The following FBXO31 variants were observed in gnomAD, a reference collection of about 807,000 sequenced individuals.
FBXO31 encodes the protein F-box only protein 31.
In FBXO31, 24 loss-of-function variants were observed where a neutral mutation model predicts 54.4. The observed-to-expected ratio is 0.44, with a 90% CI of 0.32 to 0.62. The LOEUF is 0.62. Among genes scored for constraint, FBXO31 ranks in the 20% least tolerant of loss-of-function variants. FBXO31 has a pLI of 0.05. For synonymous variants in FBXO31, 388 were observed against 335.6 expected (o/e 1.16, Z -1.71); for missense variants, 665 against 787.1 (o/e 0.84, Z 1.86).
At position 87,335,187 on chromosome 16, in the gene FBXO31, G is replaced by A. The variant is rs1043105778; in HGVS notation, c.996+117C>T. The A allele has an allele frequency of 6.9e-7, 1 of 1,454,546 alleles. No homozygotes were observed. The allele number at this position is 1,454,546 out of a possible 1,614,324, so 90.1% of individuals were successfully genotyped here. On this transcript the variant is annotated intron_variant, in intron 7 of 8. Transcript: ENST00000311635. This position sits in a 1 kb window ranked among gnomAD's most constrained non-coding sequence, Gnocchi z 5.7. The stretch of plus-strand genomic sequence containing the variant: ...CAAGCTCCCGGGGCTGCAGGTGCAA[G>A]CCCACTCTGAGGAGCAAGGGTGCCG...
intron 8 of FBXO31, among the ~76,000 whole-genome samples, chr16:87,333,650 C>A (rs551765253): frequency 3.3e-5 from 5 of 152,190 alleles, no homozygotes; most frequent in Non-Finnish European, 5.9e-5. Flanking sequence ...CTGAGGTACC[C>A]CAGAAGGGGT....
intron 1 of FBXO31, among the ~76,000 whole-genome samples, chr16:87,374,276 A>C (rs1331685387): frequency 6.6e-6 from 1 of 152,104 alleles, no homozygotes; most frequent in Admixed American, 6.5e-5. Flanking sequence ...AAAATGTGGT[A>C]AGTTGAAAAT....
upstream of FBXO31, among the ~76,000 whole-genome samples, chr16:87,387,402 CCT>C (rs1462925722): frequency 6.6e-6 from 1 of 152,168 alleles, no homozygotes; most frequent in Non-Finnish European, 1.5e-5. Flanking sequence ...ACAATAATGA[CCT>C]CTTTGTTAGT....
chr16:87,341,047 C>T (rs889310932), intron 5 of FBXO31, among the ~76,000 whole-genome samples: 3 of 152,214 alleles, frequency 2.0e-5, no homozygotes, highest in South Asian at 4.2e-4. Context: ...GATCCCAAGA[C>T]ACTAGGCTGG....
intron 1 of FBXO31, among the ~76,000 whole-genome samples, chr16:87,361,297 C>G (rs1395727123): frequency 1.3e-5 from 2 of 152,246 alleles, no homozygotes; most frequent in African/African-American, 4.8e-5. Context: ...GGTGACATGA[C>G]TCCACAAAGG....
Position 87,331,342 on chromosome 16 carries a change from C to A in FBXO31, c.1566G>T (p.Pro522=), listed in dbSNP as rs544042571. ...VQATFRNADA[P]SPQAFDEMLK... ...GCATCTCATCGAAGGCCTGTGGGGA[C>A]GGCGCATCTGCGTTCCGGAAGGTGG... Residue 522 remains proline, a synonymous_variant, in exon 9 of 9, where the codon CCG becomes CCT. Coordinates refer to ENST00000311635, the MANE Select transcript of FBXO31 (RefSeq NM_024735.5). The A allele has an allele frequency of 1.2e-6, 2 of 1,613,990 alleles. No homozygotes were observed. The highest frequency in any genetic ancestry group is 8.5e-7 in the Non-Finnish European group (1 of 1,180,030).
Position 87,356,038 on chromosome 16 carries a change from G to A in FBXO31, c.412+4257C>T, listed in dbSNP as rs532778700. 7.9e-5 allele frequency among the ~76,000 whole-genome samples: 12 copies of A among 152,220 alleles called. No homozygotes were observed. The South Asian group carries it at 2.5e-3, about 32-fold the overall frequency. ...GAGGTCAGGAGTTCAAAACCAGCCTGGCCAACATGGTGAAACCCTGTCTCT... is the reference window on the plus strand; with the variant it reads ...GAGGTCAGGAGTTCAAAACCAGCCTAGCCAACATGGTGAAACCCTGTCTCT... On this transcript the variant is annotated intron_variant, in intron 2 of 8. Coordinates refer to ENST00000311635, the MANE Select transcript of FBXO31 (RefSeq NM_024735.5).
chr16:87,352,672 C>G (rs1323298866), intron 2 of FBXO31, among the ~76,000 whole-genome samples: 3 of 152,274 alleles, frequency 2.0e-5, no homozygotes, highest in East Asian at 3.9e-4. Context: ...TCTGGGAGCA[C>G]AGATCTGGCC....
At chr16:87,366,423 G>A (rs1906371051) in intron 1 of FBXO31, among the ~76,000 whole-genome samples, 1 of 152,212 alleles carries the variant, frequency 6.6e-6, no homozygotes. Flanking sequence ...CCACGGCTGT[G>A]GTGGCAAGGG....
At chr16:87,341,887 G>C (rs2150673111) in intron 5 of FBXO31, among the ~76,000 whole-genome samples, 1 of 152,082 alleles carries the variant, frequency 6.6e-6, no homozygotes, top group Admixed American at 6.5e-5. Flanking sequence ...CTGGCTGATG[G>C]GGAAACCACC....
intron 2 of FBXO31, among the ~76,000 whole-genome samples, chr16:87,349,724 T>TCCCCTCTATTTCAAAAGCAGCA (rs1905560748): frequency 8.3e-6 from 1 of 121,078 alleles, no homozygotes; most frequent in Non-Finnish European, 1.7e-5. Context: ...AAAAAAAAAA[T>TCCCCTCTATTTCAAAAGCAGCA]CAACTGGATC....
rs548192919 is a variant in FBXO31 at position 87,330,082 on chromosome 16, G to A, written c.*1206C>T. ...GAAGGCTCGCTGGGGACGCCCACTC[G>A]GGCACGGAGCTGGCTGTGGGCTGGG... On this transcript the variant is annotated 3_prime_UTR_variant, in exon 9 of 9. Transcript: ENST00000311635. The A allele has an allele frequency of 5.4e-4, 82 of 152,554 alleles. No individual in the cohort carries two copies. Among genetic ancestry groups the A allele is most frequent in the Admixed American group, 1.5e-3 (23 of 15,318 alleles). 9.5% of individuals were successfully genotyped at this position (152,554 alleles called of 1,614,324 possible).
chr16:87,339,942 G>A (rs1486317713), intron 5 of FBXO31, among the ~76,000 whole-genome samples: 3 of 152,200 alleles, frequency 2.0e-5, no homozygotes, highest in African/African-American at 4.8e-5. Context: ...GCAACACAGT[G>A]AGACCCTATC....
At chr16:87,353,264 C>T (rs1026478048) in intron 2 of FBXO31, among the ~76,000 whole-genome samples, 2 of 152,172 alleles carry the variant, frequency 1.3e-5, no homozygotes, top group Non-Finnish European at 2.9e-5. Context: ...TGTACAAAGA[C>T]CCTGTGATGA....
Position 87,343,775 on chromosome 16 carries a change from G to A in FBXO31, c.490-10C>T, listed in dbSNP as rs777895872. 4 of 1,614,024 alleles carry A rather than the reference G, an allele frequency of 2.5e-6. No individual in the cohort carries two copies. The highest frequency in any genetic ancestry group is 1.7e-5 in the Admixed American group (1 of 60,030). On this transcript the variant is annotated splice_polypyrimidine_tract_variant and intron_variant, in intron 3 of 8. Coordinates refer to ENST00000311635, the MANE Select transcript of FBXO31 (RefSeq NM_024735.5). ...TGAACAGGCCGTCCACCTACAGGAG[G>A]AGATGGGCAAAGGTCCATGAGTGGC...
chr16:87,386,182 G>A (rs1907322449), upstream of FBXO31: 1 of 152,262 alleles, frequency 6.6e-6, no homozygotes, highest in African/African-American at 2.4e-5. Context: ...GGCTGGTTCA[G>A]TCCAGGGTGT....
intron 1 of FBXO31, among the ~76,000 whole-genome samples, chr16:87,382,199 T>A (rs552495291): frequency 1.3e-5 from 2 of 152,368 alleles, no homozygotes; most frequent in East Asian, 1.9e-4. Context: ...CTGTGCTACA[T>A]GCAGGGAGTG....
intron 1 of FBXO31, among the ~76,000 whole-genome samples, chr16:87,377,709 C>G (rs920368506): frequency 4.0e-5 from 6 of 149,060 alleles, no homozygotes; most frequent in African/African-American, 9.9e-5. Flanking sequence ...CACGCCTGTA[C>G]TCCCAGCTTC....
intron 1 of FBXO31, among the ~76,000 whole-genome samples, chr16:87,378,420 TAG>T (rs1200116760): frequency 6.6e-6 from 1 of 152,164 alleles, no homozygotes; most frequent in Non-Finnish European, 1.5e-5. Flanking sequence ...TCATTAAAAT[TAG>T]AGAGAACTTA....
Sources: gnomAD v4.1 joint callset for allele counts (sites outside exome capture counted in the v4.1 genomes callset) on GRCh38, gnomAD v4.1.1 for gene constraint, Gnocchi (gnomAD v3.1) non-coding constraint, MANE v1.5 for transcripts, NCBI Gene and HGNC (gene_info 2026-07-23, HGNC 2026-07-21) for gene names.